Variants in KRT28 observed in about 807,000 individuals in gnomAD.
KRT28 encodes keratin, type I cytoskeletal 28.
A neutral mutation model predicts 48.1 loss-of-function variants in KRT28; 45 were observed. That is an observed-to-expected ratio of 0.94 (90% CI 0.74 to 1.20). KRT28 has a LOEUF of 1.20. KRT28 is among the 50% of genes most tolerant of loss of function. The pLI, the probability that KRT28 is intolerant of heterozygous loss-of-function variation, is 0.00. For missense variants in KRT28, 571 were observed against 574.1 expected (o/e 0.99, Z 0.06); for synonymous variants, 228 against 227.4 (o/e 1.00, Z -0.03).
chr17:40,797,520 G>A (rs1446993139), intron 3 of KRT28, among the ~76,000 whole-genome samples: 2 of 152,156 alleles, frequency 1.3e-5, no homozygotes, highest in African/African-American at 4.8e-5. Flanking sequence ...AGGCTGAGGC[G>A]GGCGGATCAC....
chr17:40,792,929 G>A (rs776082778), intron 7 of KRT28, among the ~76,000 whole-genome samples: 44 of 152,096 alleles, frequency 2.9e-4, no homozygotes, highest in Non-Finnish European at 5.4e-4. Flanking sequence ...GTGAAACTCC[G>A]TCTCTATTAA....
At chr17:40,794,826 C>T (rs948490673) in intron 5 of KRT28, among the ~76,000 whole-genome samples, 1 of 152,148 alleles carries the variant, frequency 6.6e-6, no homozygotes, top group Non-Finnish European at 1.5e-5. Flanking sequence ...CCCCAACTTC[C>T]ACTCTTTCAT....
chr17:40,792,921 G>A (rs1272380153), intron 7 of KRT28, among the ~76,000 whole-genome samples: 2 of 152,076 alleles, frequency 1.3e-5, no homozygotes, highest in East Asian at 3.9e-4. Context: ...CCAACATGGT[G>A]AAACTCCGTC....
intron 5 of KRT28, 132 bp from the exon 6 acceptor site, chr17:40,794,178 G>T: frequency 9.4e-7 from 1 of 1,063,272 alleles, no homozygotes; most frequent in East Asian, 2.5e-5. Context: ...ACAATCAAAT[G>T]GGAAAGAAAG....
chr17:40,797,901 G>A (rs2143076926), intron 3 of KRT28, among the ~76,000 whole-genome samples: 1 of 152,258 alleles, frequency 6.6e-6, no homozygotes, highest in African/African-American at 2.4e-5. Flanking sequence ...TCAACATATA[G>A]TTACTGACTA....
chr17:40,797,090 G>C, intron 4 of KRT28, 30 bp downstream of exon 4: 3 of 1,612,368 alleles, frequency 1.9e-6, no homozygotes, highest in Non-Finnish European at 2.5e-6. Flanking sequence ...CCCCGGGGAG[G>C]TGTGAGCAGG....
chr17:40,797,649 T>C (rs1904647521), intron 3 of KRT28, among the ~76,000 whole-genome samples: 1 of 152,102 alleles, frequency 6.6e-6, no homozygotes, highest in African/African-American at 2.4e-5. Context: ...CTCCAGAGGC[T>C]GAGGCAGGAG....
intron 5 of KRT28, among the ~76,000 whole-genome samples, chr17:40,794,643 G>A (rs370058249): frequency 1.3e-5 from 2 of 151,508 alleles, no homozygotes; most frequent in African/African-American, 4.9e-5. Flanking sequence ...TCATTATTTC[G>A]ACACTACTCT....
chr17:40,799,105 C>T (rs1483439924), intron 1 of KRT28, 106 bp from the exon 2 acceptor site: 2 of 690,846 alleles, frequency 2.9e-6, no homozygotes, highest in Admixed American at 2.8e-5. Flanking sequence ...AAAAATTTCA[C>T]CTCCTTATGT....
chr17:40,793,282 T>G, intron 6 of KRT28, 72 bp from the exon 7 acceptor site: 1 of 993,664 alleles, frequency 1.0e-6, no homozygotes, highest in Non-Finnish European at 1.4e-6. Flanking sequence ...ATTGACTCAA[T>G]GAATGAAATT....
chr17:40,797,204 C>G lies in KRT28; in HGVS notation c.768G>C (p.Ala256=). The G allele has an allele frequency of 2.5e-6, 4 of 1,614,122 alleles. No homozygotes were observed. The highest frequency in any genetic ancestry group is 3.4e-6 in the Non-Finnish European group (4 of 1,180,010). Residue 256 remains alanine (A), a synonymous_variant, in exon 4 of 8, where the codon GCG becomes GCC. Coordinates refer to ENST00000306658, the MANE Select transcript of KRT28 (RefSeq NM_181535.3). ...EMNAAPGVDL[A]VLLNNMRAEY... ...CCGCTCGCATGTTGTTCAACAAAAC[C>G]GCGAGGTCTACCCCCGGGGCCGCGT...
chr17:40,792,810 G>A (rs1197065763), intron 7 of KRT28, among the ~76,000 whole-genome samples: 2 of 152,152 alleles, frequency 1.3e-5, no homozygotes, highest in African/African-American at 4.8e-5. Context: ...AAGTATTGCT[G>A]TGATAGAAAT....
At position 40,793,961 on chromosome 17, in the gene KRT28, A is replaced by G. The variant is rs753993009; in HGVS notation, c.1064T>C (p.Leu355Pro). 1.7e-4 allele frequency: 267 copies of G among 1,613,920 alleles called. No individual in the cohort carries two copies. Among genetic ancestry groups the G allele is most frequent in the Middle Eastern group, 8.3e-4 (5 of 6,056 alleles). Residue 355 changes from leucine (L) to proline (P), a missense_variant, in exon 6 of 8, where the codon CTG becomes CCG. Physicochemically the swap from Leu to Pro is moderately conservative, Grantham distance 98. Transcript: ENST00000306658. ...TCTGACCTGGTGCAGCTGCTCCTCC[A>G]GGGCCCCGATCTGAGCCTGGATCTG... ...LAQIQAQIGA[L>P]EEQLHQVRTE...
At chr17:40,798,560 A>G (rs1211818434) in intron 2 of KRT28, among the ~76,000 whole-genome samples, 169 bp from the exon 3 acceptor site, 1 of 152,252 alleles carries the variant, frequency 6.6e-6, no homozygotes, top group Non-Finnish European at 1.5e-5. Context: ...AATTCTGTAC[A>G]GGATAATTGG....
intron 7 of KRT28, 25 bp from the exon 8 acceptor site, chr17:40,792,594 T>A: frequency 6.4e-7 from 1 of 1,564,352 alleles, no homozygotes; most frequent in Non-Finnish European, 8.7e-7. Flanking sequence ...TAGGCATACA[T>A]ATATTCAACC....
At chr17:40,799,224 C>T (rs1050805338) in intron 1 of KRT28, among the ~76,000 whole-genome samples, 2 of 152,048 alleles carry the variant, frequency 1.3e-5, no homozygotes, top group African/African-American at 2.4e-5. Flanking sequence ...ATTCATATGC[C>T]TATGAATGTA....
intron 5 of KRT28, among the ~76,000 whole-genome samples, chr17:40,796,302 G>A (rs764331287): frequency 2.0e-5 from 3 of 152,176 alleles, no homozygotes; most frequent in Admixed American, 1.3e-4. Context: ...CTGGGTTGAC[G>A]CCATGCTGAC....
intron 2 of KRT28, among the ~76,000 whole-genome samples, chr17:40,798,622 A>G (rs1904676963): frequency 6.6e-6 from 1 of 152,216 alleles, no homozygotes; most frequent in Admixed American, 6.5e-5. Context: ...AAATAAAAAT[A>G]CACCATTTTG....
chr17:40,799,086 T>C (rs1293630277), intron 1 of KRT28, 87 bp from the exon 2 acceptor site: 3 of 853,768 alleles, frequency 3.5e-6, no homozygotes, highest in Non-Finnish European at 5.4e-6. Context: ...GTTACTCAAG[T>C]TTTTGCATAA....
Sources: allele counts gnomAD v4.1 joint callset (sites outside exome capture counted in the v4.1 genomes callset), GRCh38; gene constraint gnomAD v4.1.1; transcripts MANE v1.5; gene names NCBI Gene and HGNC (gene_info 2026-07-23, HGNC 2026-07-21).